The following ARPC2 variants were observed in gnomAD, a reference collection of about 807,000 sequenced individuals.
ARPC2 encodes actin-related protein 2/3 complex subunit 2.
In ARPC2, 4 loss-of-function variants were observed where a neutral mutation model predicts 38.6. The ratio of observed to expected loss-of-function variants is 0.10; its 90% CI spans 0.05 to 0.24. The LOEUF is 0.24. ARPC2 is among the 10% of genes least tolerant of loss of function. The probability of loss-of-function intolerance (pLI) is 1.00; values close to 1 mark genes in which losing one functional copy is unlikely to be tolerated. For missense variants in ARPC2, 229 were observed against 387.3 expected (o/e 0.59, Z 3.43); for synonymous variants, 125 against 140.8 (o/e 0.89, Z 0.79).
At chr2:218,237,086 T>G (rs1249603655) in intron 5 of ARPC2, among the ~76,000 whole-genome samples, 1 of 152,208 alleles carries the variant, frequency 6.6e-6, no homozygotes, top group Non-Finnish European at 1.5e-5. Flanking sequence ...TCAGTCCATG[T>G]TCTGCACCCG....
At chr2:218,228,407 A>G (rs1689555340) in intron 3 of ARPC2, among the ~76,000 whole-genome samples, 1 of 152,184 alleles carries the variant, frequency 6.6e-6, no homozygotes, top group Non-Finnish European at 1.5e-5. Flanking sequence ...TATCTCAAAA[A>G]AAAAAAAATC....
chr2:218,249,333 C>T (rs1270126101), intron 8 of ARPC2, 31 bp from the exon 9 acceptor site: 1 of 1,534,170 alleles, frequency 6.5e-7, no homozygotes, highest in Non-Finnish European at 9.0e-7. Flanking sequence ...GTGTCGTGTC[C>T]TGACGCCTTG....
intron 10 of ARPC2, among the ~76,000 whole-genome samples, chr2:218,252,623 A>G (rs1262531916): frequency 6.6e-6 from 1 of 152,172 alleles, no homozygotes; most frequent in African/African-American, 2.4e-5. Flanking sequence ...AGTGAGAGGG[A>G]AGCCTGACCT....
intron 7 of ARPC2, among the ~76,000 whole-genome samples, chr2:218,242,673 C>T (rs1689942539): frequency 6.6e-6 from 1 of 152,110 alleles, no homozygotes; most frequent in South Asian, 2.1e-4. Context: ...TGGATTTCTC[C>T]TGATCTGATA....
intron 10 of ARPC2, among the ~76,000 whole-genome samples, chr2:218,253,634 G>A (rs532367849): frequency 7.2e-5 from 11 of 152,226 alleles, no homozygotes; most frequent in Non-Finnish European, 1.2e-4. Context: ...AACTTGGTAC[G>A]TTGAATGTCC....
Position 218,249,832 on chromosome 2 carries a change from C to T in ARPC2, c.789C>T (p.His263=), listed in dbSNP as rs748641638. The T allele has an allele frequency of 2.3e-5, 37 of 1,613,574 alleles. 1 individual carries two copies. The South Asian group carries it at 2.9e-4, about 12-fold the overall frequency. ...YHIKCSKAYI[H]TRMRAKTSDF... Reference sequence around the variant, plus strand: ...ATGTTTGTTCCCAGGCCTATATTCACACACGTATGCGGGCGAAAACGTCTG... The same window carrying T: ...ATGTTTGTTCCCAGGCCTATATTCATACACGTATGCGGGCGAAAACGTCTG... The change falls in exon 10 of 11, where the codon CAC becomes CAT. Residue 263 remains histidine, a synonymous_variant. Coordinates refer to ENST00000315717, the MANE Select transcript of ARPC2 (RefSeq NM_152862.3).
chr2:218,249,844 G>A lies in ARPC2; in HGVS notation c.801G>A (p.Arg267=), dbSNP rs781473359. 1.2e-6 allele frequency: 2 copies of A among 1,613,884 alleles called. No individual in the cohort carries two copies. The highest frequency in any genetic ancestry group is 1.7e-6 in the Non-Finnish European group (2 of 1,179,952). Residue 267 remains arginine, a synonymous_variant, in exon 10 of 11, where the codon CGG becomes CGA. Transcript: ENST00000315717. The part of the protein sequence containing the change: ...CSKAYIHTRM[R]AKTSDFLKVL... ...AGGCCTATATTCACACACGTATGCGGGCGAAAACGTCTGACTTCCTCAAGG... is the reference window on the plus strand; with the variant it reads ...AGGCCTATATTCACACACGTATGCGAGCGAAAACGTCTGACTTCCTCAAGG...
At chr2:218,217,669 G>T (rs982872656) in intron 2 of ARPC2, 125 bp downstream of exon 2, 3 of 1,040,806 alleles carry the variant, frequency 2.9e-6, no homozygotes, top group African/African-American at 3.2e-5. Flanking sequence ...TGTAGGGGCT[G>T]CCCCAGCGGG....
rs1689264992 is a variant in ARPC2, at chr2:218,217,214, C to A, written c.-49C>A. 2 of 442,400 alleles carry A rather than the reference C, an allele frequency of 4.5e-6. No individual in the cohort carries two copies. Among genetic ancestry groups the A allele is most frequent in the South Asian group, 3.0e-5 (1 of 32,792 alleles). The allele number at this position is 442,400 out of a possible 1,614,324, so 27.4% of individuals were successfully genotyped here. A position where few individuals can be genotyped will look rare whatever the true frequency, so the allele number is the denominator to read the frequency against. On this transcript the variant is annotated 5_prime_UTR_variant, in exon 1 of 11. Transcript: ENST00000315717. ...GTCGGTGAAGCGGCAGTGGCGGCGG[C>A]GGCGGCGGCTCGGCAGGCGGGTTCA...
chr2:218,249,951 T>G, intron 10 of ARPC2, 30 bp downstream of exon 10: 2 of 1,545,216 alleles, frequency 1.3e-6, no homozygotes, highest in Non-Finnish European at 1.8e-6. Flanking sequence ...AGCGACCACC[T>G]TCCTCTCCTG....
chr2:218,239,565 G>T, intron 7 of ARPC2, 81 bp downstream of exon 7: 1 of 1,141,958 alleles, frequency 8.8e-7, no homozygotes, highest in Non-Finnish European at 1.3e-6. Context: ...GCGTAGGAAA[G>T]AGATCTAGCA....
At position 218,239,345 on chromosome 2, in the gene ARPC2, C is replaced by A. The variant is rs114064399; in HGVS notation, c.456-46C>A. On this transcript the variant is annotated intron_variant, in intron 6 of 10. Coordinates refer to ENST00000315717, the MANE Select transcript of ARPC2 (RefSeq NM_152862.3). ...TTGTAGATCAAGTTATTGACAAAAC[C>A]CCATTCTGATTCTGTACTTATCCTC... 1.3e-3 allele frequency: 1,862 copies of A among 1,386,056 alleles called. 22 individuals are homozygous for A. In the African/African-American group the frequency reaches 0.023, roughly 17 times the overall value. The allele number at this position is 1,386,056 out of a possible 1,614,324, so 85.9% of individuals were successfully genotyped here. A position where few individuals can be genotyped will look rare whatever the true frequency, so the allele number is the denominator to read the frequency against.
chr2:218,230,863 A>G (rs1000380362), intron 4 of ARPC2, among the ~76,000 whole-genome samples: 1 of 152,170 alleles, frequency 6.6e-6, no homozygotes, highest in Non-Finnish European at 1.5e-5. Context: ...AAAAAAGGAA[A>G]AGATCTAAAT....
intron 2 of ARPC2, among the ~76,000 whole-genome samples, chr2:218,219,305 G>A (rs1275393761): frequency 1.3e-5 from 2 of 151,314 alleles, no homozygotes; most frequent in Non-Finnish European, 2.9e-5. Flanking sequence ...TAACCATTTC[G>A]GAGGGATTAA....
chr2:218,230,761 C>T (rs1410123852), intron 4 of ARPC2, among the ~76,000 whole-genome samples: 1 of 152,038 alleles, frequency 6.6e-6, no homozygotes, highest in Non-Finnish European at 1.5e-5. Flanking sequence ...GTTGGGACTT[C>T]ACACAGTTGG....
chr2:218,252,235 C>T (rs535642868), intron 10 of ARPC2, among the ~76,000 whole-genome samples: 1 of 152,088 alleles, frequency 6.6e-6, no homozygotes. Flanking sequence ...AAAAAAAAAG[C>T]ACTTTTTAAG....
At chr2:218,243,125 C>T (rs1689953720) in intron 7 of ARPC2, among the ~76,000 whole-genome samples, 1 of 152,100 alleles carries the variant, frequency 6.6e-6, no homozygotes, top group Non-Finnish European at 1.5e-5. Context: ...TTGAGAGCTC[C>T]TCTTGTTGTA....
intron 4 of ARPC2, among the ~76,000 whole-genome samples, chr2:218,232,770 G>A (rs1689669630): frequency 6.6e-6 from 1 of 151,822 alleles, no homozygotes; most frequent in South Asian, 2.1e-4. Flanking sequence ...TAGACATGGG[G>A]TTTCACTGTG....
chr2:218,239,166 A>G (rs1422806593), intron 6 of ARPC2: 1 of 584,594 alleles, frequency 1.7e-6, no homozygotes, highest in Non-Finnish European at 3.0e-6. Flanking sequence ...TTATATTTAC[A>G]AGTCAATAAA....
Sources: gnomAD v4.1 joint callset for allele counts (sites outside exome capture counted in the v4.1 genomes callset) on GRCh38, gnomAD v4.1.1 for gene constraint, MANE v1.5 for transcripts, NCBI Gene and HGNC (gene_info 2026-07-23, HGNC 2026-07-21) for gene names.